The following SNRPN variants were observed in gnomAD, a reference collection of about 807,000 sequenced individuals.
SNRPN encodes small nuclear ribonucleoprotein-associated protein N.
A neutral mutation model predicts 25.2 loss-of-function variants in SNRPN; 7 were observed. The ratio of observed to expected loss-of-function variants is 0.28; its 90% CI spans 0.16 to 0.52. The LOEUF (loss-of-function observed/expected upper bound fraction) is 0.52, where lower values mean the gene tolerates loss of function less well. Ranked by LOEUF, SNRPN falls within the 20% of genes least tolerant of loss-of-function variation. SNRPN has a pLI of 0.96. For synonymous variants in SNRPN, 124 were observed against 110.6 expected, an observed-to-expected ratio of 1.12 and a Z score of -0.76; for missense variants, 196 against 322.5, an observed-to-expected ratio of 0.61 and a Z score of 3.00.
At chr15:24,826,795 A>G (rs1324601810) in intron 1 of SNRPN, among the ~76,000 whole-genome samples, 1 of 152,092 alleles carries the variant, frequency 6.6e-6, no homozygotes, top group African/African-American at 2.4e-5. Context: ...TATCTCTGCC[A>G]ATTAAACTAG....
At chr15:24,955,502 G>A (rs1345534184) in intron 1 of SNRPN, among the ~76,000 whole-genome samples, 6 of 151,340 alleles carry the variant, frequency 4.0e-5, no homozygotes, top group African/African-American at 1.5e-4. Flanking sequence ...TGATTGTGGC[G>A]GGGCGAAGGT....
chr15:24,975,515 G>A lies in SNRPN; in HGVS notation c.155+6G>A. On this transcript the variant is annotated splice_donor_region_variant and intron_variant, in intron 5 of 9. Coordinates refer to ENST00000390687, the MANE Select transcript of SNRPN (RefSeq NM_003097.6). ...GATGAGTTCAGAAAGATCAAGTAAG[G>A]CTGATTTGGGCAAATGGGGGTTGGA... 1 of 1,611,754 alleles carries A rather than the reference G, an allele frequency of 6.2e-7. No individual in the cohort carries two copies.
chr15:24,930,344 G>T (rs529413901), intron 3 of SNRPN, among the ~76,000 whole-genome samples: 2 of 151,496 alleles, frequency 1.3e-5, no homozygotes, highest in African/African-American at 2.4e-5. Flanking sequence ...TATTTTACAT[G>T]AGGGCAAAAA....
chr15:24,878,911 G>T (rs1485561086), intron 1 of SNRPN, among the ~76,000 whole-genome samples: 1 of 151,858 alleles, frequency 6.6e-6, no homozygotes, highest in Non-Finnish European at 1.5e-5. Context: ...TAATATGAGA[G>T]GACTTGTAGA....
chr15:24,932,533 G>A (rs1263537563), intron 3 of SNRPN, among the ~76,000 whole-genome samples: 3 of 151,610 alleles, frequency 2.0e-5, no homozygotes, highest in South Asian at 2.1e-4. Flanking sequence ...TGTGCCCAGC[G>A]TAAGACCTAG....
At chr15:24,970,435 C>T (rs557438119) in intron 3 of SNRPN, among the ~76,000 whole-genome samples, 91 of 152,046 alleles carry the variant, frequency 6.0e-4, no homozygotes, top group Middle Eastern at 3.4e-3. Flanking sequence ...AAATATTAGC[C>T]GGGTGTAGTG....
chr15:24,877,175 T>C (rs770029818), intron 1 of SNRPN, among the ~76,000 whole-genome samples: 6 of 152,068 alleles, frequency 3.9e-5, no homozygotes, highest in Non-Finnish European at 7.4e-5. Flanking sequence ...ACAGAAAATT[T>C]TCGTATTTTC....
intron 3 of SNRPN, among the ~76,000 whole-genome samples, chr15:24,938,426 C>A (rs144911164): frequency 7.2e-5 from 11 of 152,212 alleles, no homozygotes; most frequent in Admixed American, 1.3e-4. Context: ...CCATGCCTGG[C>A]CTTCTGCTTC....
chr15:24,961,381 T>G (rs1449475209), intron 1 of SNRPN, among the ~76,000 whole-genome samples: 2 of 152,202 alleles, frequency 1.3e-5, no homozygotes, highest in Non-Finnish European at 2.9e-5. Flanking sequence ...AGATATTACT[T>G]GTGTTACTTT....
intron 1 of SNRPN, among the ~76,000 whole-genome samples, chr15:24,828,097 A>G (rs2050230006): frequency 6.6e-6 from 1 of 152,130 alleles, no homozygotes; most frequent in African/African-American, 2.4e-5. Context: ...TTTTACTCAC[A>G]TAAAATTTAA....
chr15:24,867,947 TTC>T (rs1278689409), intron 1 of SNRPN, among the ~76,000 whole-genome samples: 13 of 152,128 alleles, frequency 8.5e-5, no homozygotes, highest in Non-Finnish European at 1.9e-4. Flanking sequence ...TCATTATATT[TTC>T]TTTTTATTTT....
chr15:24,917,470 G>A (rs544200504), intron 2 of SNRPN, among the ~76,000 whole-genome samples: 3 of 152,356 alleles, frequency 2.0e-5, no homozygotes, highest in African/African-American at 7.2e-5. Flanking sequence ...GAAAAACCAA[G>A]ATTACTGCAT....
At chr15:24,836,307 G>T (rs1417871954) in intron 2 of SNRPN, among the ~76,000 whole-genome samples, 2 of 152,098 alleles carry the variant, frequency 1.3e-5, no homozygotes, top group South Asian at 2.1e-4. Context: ...GACACTGGGG[G>T]TGAGGGCTCT....
intron 2 of SNRPN, among the ~76,000 whole-genome samples, chr15:24,832,559 G>A (rs1038809666): frequency 2.6e-5 from 4 of 152,082 alleles, no homozygotes; most frequent in Non-Finnish European, 5.9e-5. Flanking sequence ...AATGGAACAT[G>A]GGTGGGGACA....
At chr15:24,932,212 A>G (rs1472013307) in intron 3 of SNRPN, among the ~76,000 whole-genome samples, 2 of 152,168 alleles carry the variant, frequency 1.3e-5, no homozygotes, top group Admixed American at 6.5e-5. Context: ...TCAAATATTT[A>G]TAGGCCAGGG....
chr15:24,897,357 T>C (rs1261428225), intron 2 of SNRPN, among the ~76,000 whole-genome samples: 1 of 151,912 alleles, frequency 6.6e-6, no homozygotes, highest in East Asian at 1.9e-4. Flanking sequence ...GAAACCAAGG[T>C]GGGGGGAATC....
intron 2 of SNRPN, among the ~76,000 whole-genome samples, chr15:24,893,844 T>A (rs1311163846): frequency 1.3e-5 from 2 of 151,520 alleles, no homozygotes; most frequent in Non-Finnish European, 2.9e-5. Context: ...ATTACGTGTC[T>A]GACATGACAA....
rs542255437 is a variant in SNRPN, at chr15:24,962,098, CT to C, written c.-390-15del. The C allele has an allele frequency of 2.0e-5, 32 of 1,610,186 alleles. No homozygotes were observed. The Middle Eastern group carries it at 5.0e-4, about 25-fold the overall frequency. ...GATGCAGTCTACCAAACAAATGCCT[CT>C]CTTTTCTGTTTCAGGGATCGCTTAC... On this transcript the variant is annotated splice_polypyrimidine_tract_variant and intron_variant, in intron 1 of 9. Transcript: ENST00000390687.
At chr15:24,893,148 C>T (rs1390366578) in intron 2 of SNRPN, among the ~76,000 whole-genome samples, 2 of 152,096 alleles carry the variant, frequency 1.3e-5, no homozygotes, top group African/African-American at 4.8e-5. Context: ...GCAGAGGTTG[C>T]AGTGAGCCGA....
Sources: allele counts gnomAD v4.1 joint callset (sites outside exome capture counted in the v4.1 genomes callset), GRCh38; gene constraint gnomAD v4.1.1; transcripts MANE v1.5; gene names NCBI Gene and HGNC (gene_info 2026-07-23, HGNC 2026-07-21).